The following EDIL3 variants were observed in gnomAD, a reference collection of about 807,000 sequenced individuals.
EDIL3 encodes EGF-like repeat and discoidin I-like domain-containing protein 3.
A neutral mutation model predicts 67.4 loss-of-function variants in EDIL3; 37 were observed. The observed-to-expected ratio is 0.55, with a 90% confidence interval of 0.42 to 0.72. The LOEUF is 0.72. Among genes scored for constraint, EDIL3 ranks in the 30% least tolerant of loss-of-function variants. EDIL3 has a pLI of 0.00. For synonymous variants in EDIL3, 195 were observed against 196.3 expected (o/e 0.99, Z 0.05); for missense variants, 527 against 586.3 (o/e 0.90, Z 1.04).
intron 3 of EDIL3, among the ~76,000 whole-genome samples, chr5:84,203,526 T>G (rs1743890765): frequency 6.6e-6 from 1 of 152,076 alleles, no homozygotes; most frequent in South Asian, 2.1e-4. Flanking sequence ...TCCTGATGGG[T>G]CATAATGTTT....
intron 5 of EDIL3, among the ~76,000 whole-genome samples, chr5:84,128,938 C>T (rs1164096738): frequency 2.0e-5 from 3 of 152,026 alleles, no homozygotes; most frequent in Non-Finnish European, 4.4e-5. Flanking sequence ...TAATTATTTG[C>T]AATTAAATAC....
intron 5 of EDIL3, among the ~76,000 whole-genome samples, chr5:84,111,257 G>A (rs1277964452): frequency 3.9e-5 from 6 of 152,136 alleles, no homozygotes; most frequent in African/African-American, 1.4e-4. Flanking sequence ...GTCTCAGGTA[G>A]TTCTTTATAA....
intron 9 of EDIL3, 139 bp from the exon 10 acceptor site, chr5:83,963,499 ACTGAGT>A: frequency 1.0e-6 from 1 of 984,844 alleles, no homozygotes; most frequent in Non-Finnish European, 1.4e-6. Flanking sequence ...GAAACCAATG[ACTGAGT>A]CTATTATTGG....
At chr5:84,132,493 A>ATG (rs2112310783) in intron 5 of EDIL3, among the ~76,000 whole-genome samples, 1 of 111,696 alleles carries the variant, frequency 9.0e-6, no homozygotes, top group African/African-American at 3.7e-5. Context: ...AATATATATT[A>ATG]TATATTTTAT....
At chr5:84,225,445 A>C (rs1248993644) in intron 3 of EDIL3, among the ~76,000 whole-genome samples, 1 of 151,710 alleles carries the variant, frequency 6.6e-6, no homozygotes, top group Non-Finnish European at 1.5e-5. Context: ...ATATAATCTC[A>C]GTTACATGGG....
chr5:83,979,149 G>T (rs573600848), intron 9 of EDIL3, among the ~76,000 whole-genome samples: 45 of 152,200 alleles, frequency 3.0e-4, no homozygotes, highest in African/African-American at 1.0e-3. Context: ...TTTGTAGGAT[G>T]AGACATAAAT....
intron 1 of EDIL3, among the ~76,000 whole-genome samples, chr5:84,274,116 T>C (rs1745528515): frequency 6.6e-6 from 1 of 152,168 alleles, no homozygotes; most frequent in African/African-American, 2.4e-5. Context: ...TTATTTTTTA[T>C]TTCTTTTAGA....
chr5:84,145,056 C>G (rs909535602), intron 4 of EDIL3, among the ~76,000 whole-genome samples: 3 of 152,104 alleles, frequency 2.0e-5, no homozygotes, highest in African/African-American at 7.2e-5. Context: ...TTGGATATAT[C>G]TGTAAATAGA....
chr5:84,361,762 G>A (rs893394531), intron 1 of EDIL3, among the ~76,000 whole-genome samples: 1 of 151,788 alleles, frequency 6.6e-6, no homozygotes, highest in Non-Finnish European at 1.5e-5. Flanking sequence ...ACTTTTGTAA[G>A]CACTGTGAGG....
intron 3 of EDIL3, among the ~76,000 whole-genome samples, chr5:84,185,412 TAC>T (rs1743386568): frequency 6.6e-6 from 1 of 152,174 alleles, no homozygotes; most frequent in Non-Finnish European, 1.5e-5. Context: ...ATGTGCCTTG[TAC>T]AGACTTTTTT....
intron 5 of EDIL3, among the ~76,000 whole-genome samples, chr5:84,113,281 C>G (rs1449533541): frequency 4.6e-5 from 7 of 152,112 alleles, no homozygotes; most frequent in African/African-American, 1.7e-4. Context: ...TCAGGTACGA[C>G]AATAATCCTA....
intron 9 of EDIL3, among the ~76,000 whole-genome samples, chr5:83,992,503 A>G (rs1745168727): frequency 6.6e-6 from 1 of 152,214 alleles, no homozygotes; most frequent in Non-Finnish European, 1.5e-5. Flanking sequence ...ATACTAATTA[A>G]CAAAGCAGCG....
intron 5 of EDIL3, among the ~76,000 whole-genome samples, chr5:84,125,692 A>G (rs570872287): frequency 5.9e-5 from 9 of 152,028 alleles, no homozygotes; most frequent in South Asian, 2.1e-4. Context: ...AGTGATCCCC[A>G]TTACTTTATA....
intron 10 of EDIL3, 42 bp downstream of exon 10, chr5:83,963,163 T>C (rs772954413): frequency 1.0e-5 from 16 of 1,550,104 alleles, no homozygotes; most frequent in Non-Finnish European, 1.4e-5. Flanking sequence ...TGTAATTTGA[T>C]CCTCCACTTC....
At chr5:84,298,325 T>C (rs1313540136) in intron 1 of EDIL3, among the ~76,000 whole-genome samples, 2 of 152,162 alleles carry the variant, frequency 1.3e-5, no homozygotes, top group African/African-American at 4.8e-5. Flanking sequence ...ATCATGTCTT[T>C]TGCAGAGCCA....
At chr5:84,050,448 G>A (rs190686643) in intron 9 of EDIL3, among the ~76,000 whole-genome samples, 5 of 152,310 alleles carry the variant, frequency 3.3e-5, no homozygotes, top group Admixed American at 6.5e-5. Context: ...TCTCACTGGG[G>A]AGTGTCAGAC....
At chr5:83,973,332 A>G (rs2301071) in intron 9 of EDIL3, among the ~76,000 whole-genome samples, 52,769 of 151,998 alleles carry the variant, frequency 0.35, 10,026 homozygotes, top group East Asian at 0.64. Flanking sequence ...TCCAATAAAG[A>G]TTTTTCAGGT....
chr5:84,284,574 A>G (rs1745772489), intron 1 of EDIL3, among the ~76,000 whole-genome samples: 2 of 152,186 alleles, frequency 1.3e-5, no homozygotes, highest in Admixed American at 1.3e-4. Flanking sequence ...CATGATATTG[A>G]TATTTCCAAG....
chr5:84,075,955 A>G (rs1746848698), intron 6 of EDIL3, among the ~76,000 whole-genome samples: 1 of 146,388 alleles, frequency 6.8e-6, no homozygotes, highest in Admixed American at 6.8e-5. Context: ...TTTTATATAT[A>G]TATATATATA....
Sources: allele counts gnomAD v4.1 joint callset (sites outside exome capture counted in the v4.1 genomes callset), GRCh38; gene constraint gnomAD v4.1.1; transcripts MANE v1.5; gene names NCBI Gene and HGNC (gene_info 2026-07-23, HGNC 2026-07-21).